SPPL3: variants seen among roughly 807,000 people sequenced by gnomAD.
SPPL3 encodes the protein signal peptide peptidase like 3, also known as signal peptide peptidase-like 3.
SPPL3 carries 5 observed loss-of-function variants against 42.4 expected under a neutral mutation model. The observed-to-expected ratio is 0.12, with a 90% CI of 0.06 to 0.25. The LOEUF (loss-of-function observed/expected upper bound fraction) is 0.25, where lower values mean the gene tolerates loss of function less well. SPPL3 is among the 10% of genes least tolerant of loss of function. SPPL3 has a pLI of 1.00. For missense variants in SPPL3, 235 were observed against 489.0 expected (o/e 0.48, Z 4.90); for synonymous variants, 195 against 181.8 (o/e 1.07, Z -0.58).
chr12:120,904,047 G>A lies in SPPL3; in HGVS notation c.-180C>T. Reference sequence around the variant, plus strand: ...TGGCGGGGAGAGGCCGGGCTCCGAAGCGGCCCCGCTCCCTGGGCCCCGGGG... The same window carrying A: ...TGGCGGGGAGAGGCCGGGCTCCGAAACGGCCCCGCTCCCTGGGCCCCGGGG... On this transcript the variant is annotated 5_prime_UTR_variant, in exon 1 of 11. Transcript: ENST00000353487. The A allele has an allele frequency of 2.7e-6, 1 of 375,136 alleles. No homozygotes were observed. The highest frequency in any genetic ancestry group is 4.5e-6 in the Non-Finnish European group (1 of 221,760). The allele number at this position is 375,136 out of a possible 1,614,324, so 23.2% of individuals were successfully genotyped here. A position where few individuals can be genotyped will look rare whatever the true frequency, so the allele number is the denominator to read the frequency against.
chr12:120,790,620 CT>C (rs1869883380), intron 3 of SPPL3, among the ~76,000 whole-genome samples: 1 of 152,142 alleles, frequency 6.6e-6, no homozygotes, highest in South Asian at 2.1e-4. Flanking sequence ...GTAAAGAAAC[CT>C]TATCTGACCC....
chr12:120,900,592 T>C (rs1338950093), intron 1 of SPPL3, among the ~76,000 whole-genome samples: 1 of 103,722 alleles, frequency 9.6e-6, no homozygotes, highest in Admixed American at 1.1e-4. Flanking sequence ...AGACCCTGTC[T>C]CAAGGAAAAA....
chr12:120,780,758 C>CA (rs1869505007), intron 6 of SPPL3, among the ~76,000 whole-genome samples: 1 of 145,080 alleles, frequency 6.9e-6, no homozygotes, highest in Non-Finnish European at 1.5e-5. Context: ...AAAAACAAAA[C>CA]AAAAATTAGC....
intron 1 of SPPL3, among the ~76,000 whole-genome samples, chr12:120,823,075 A>C (rs1009778595): frequency 1.3e-5 from 2 of 151,948 alleles, no homozygotes; most frequent in African/African-American, 2.4e-5. Flanking sequence ...CTGGGAGTTC[A>C]CAAAGTAGTC....
rs374880871 is a variant in SPPL3 at position 120,769,290 on chromosome 12, G to A, written c.503-231C>T. 113 of 403,072 alleles carry A rather than the reference G, an allele frequency of 2.8e-4. 1 individual carries two copies. The Middle Eastern group carries it at 3.5e-3, about 13-fold the overall frequency. 25.0% of individuals were successfully genotyped at this position (403,072 alleles called of 1,614,324 possible). On this transcript the variant is annotated intron_variant, in intron 6 of 10. Coordinates refer to ENST00000353487, the MANE Select transcript of SPPL3 (RefSeq NM_139015.5). ...TTTCCTCCTCCTAGACATAGTGCTC[G>A]GCTGTTGGAGACCCAGGAAACCAGT...
chr12:120,794,504 T>C (rs1394019003), intron 2 of SPPL3, among the ~76,000 whole-genome samples: 1 of 152,094 alleles, frequency 6.6e-6, no homozygotes, highest in Admixed American at 6.5e-5. Context: ...TTCAAGCAAT[T>C]CTCCTGCCTC....
chr12:120,775,052 A>G (rs11065260), intron 6 of SPPL3, among the ~76,000 whole-genome samples: 5,389 of 152,328 alleles, frequency 0.035, 109 homozygotes, highest in South Asian at 0.067. Flanking sequence ...CGAGGATGAC[A>G]TAACCTGTAA....
intron 1 of SPPL3, among the ~76,000 whole-genome samples, chr12:120,883,044 A>G (rs1873342077): frequency 6.6e-6 from 1 of 151,724 alleles, no homozygotes; most frequent in Admixed American, 6.6e-5. Flanking sequence ...GTGGCTCACA[A>G]CTGTAATCCC....
chr12:120,798,578 TTTAATG>T lies in SPPL3; in HGVS notation c.102-7027_102-7022del, dbSNP rs369277206. ...CCTAAACTCTAGGGTTGGTGATGCA[TTTAATG>T]GGAACGTCTCTGGAGTCAATGGAAC... On this transcript the variant is annotated intron_variant, in intron 2 of 10. Coordinates refer to ENST00000353487, the MANE Select transcript of SPPL3 (RefSeq NM_139015.5). Among the ~76,000 whole-genome samples the T allele has an allele frequency of 2.0e-5, 3 of 152,346 alleles. No individual in the cohort carries two copies. In the East Asian group the frequency reaches 5.8e-4, roughly 29 times the overall value.
At chr12:120,798,611 T>A (rs1448199689) in intron 2 of SPPL3, among the ~76,000 whole-genome samples, 1 of 152,232 alleles carries the variant, frequency 6.6e-6, no homozygotes, top group East Asian at 1.9e-4. Flanking sequence ...CAATGGAACA[T>A]GAAGACTGCT....
chr12:120,889,888 G>C (rs1873578124), intron 1 of SPPL3, among the ~76,000 whole-genome samples: 1 of 152,112 alleles, frequency 6.6e-6, no homozygotes, highest in African/African-American at 2.4e-5. Flanking sequence ...TGTCCCTTTA[G>C]GCTCTTAACT....
intron 1 of SPPL3, among the ~76,000 whole-genome samples, chr12:120,814,232 A>C (rs1870789761): frequency 6.6e-6 from 1 of 152,194 alleles, no homozygotes; most frequent in Admixed American, 6.5e-5. Flanking sequence ...TGAATACAAG[A>C]ATATATGTTT....
intron 6 of SPPL3, among the ~76,000 whole-genome samples, chr12:120,774,838 C>T (rs950911825): frequency 2.0e-5 from 3 of 152,196 alleles, no homozygotes; most frequent in Non-Finnish European, 2.9e-5. Context: ...TCCTGAGACT[C>T]TCTCTTATAG....
At chr12:120,794,256 CCTTTTA>C (rs1366275248) in intron 2 of SPPL3, among the ~76,000 whole-genome samples, 6 of 146,634 alleles carry the variant, frequency 4.1e-5, no homozygotes, top group African/African-American at 1.6e-4. Flanking sequence ...CTTTTCCTAA[CCTTTTA>C]CTTTTAACTA....
chr12:120,833,146 GAAGAATAAGTAGGATCTGA>G (rs1871484747), intron 1 of SPPL3, among the ~76,000 whole-genome samples: 1 of 152,164 alleles, frequency 6.6e-6, no homozygotes, highest in Non-Finnish European at 1.5e-5. Flanking sequence ...AATTATTCTT[GAAGAATAAGTAGGATCTGA>G]AAATGTGAGA....
At chr12:120,845,719 G>A (rs535182503) in intron 1 of SPPL3, 10 of 236,988 alleles carry the variant, frequency 4.2e-5, no homozygotes, top group Admixed American at 3.1e-4. Context: ...CTCCGAGCCA[G>A]GTACTGTTTT....
chr12:120,847,697 C>T (rs560152826), intron 1 of SPPL3, among the ~76,000 whole-genome samples: 2 of 152,140 alleles, frequency 1.3e-5, no homozygotes, highest in South Asian at 4.2e-4. Flanking sequence ...TCCGAAAGTG[C>T]TAGGATTACA....
chr12:120,808,906 C>G lies in SPPL3; in HGVS notation c.101+1903G>C, dbSNP rs113737592. 8.5e-5 allele frequency among the ~76,000 whole-genome samples: 13 copies of G among 152,148 alleles called. 1 individual carries two copies. The highest frequency in any genetic ancestry group is 2.9e-4 in the African/African-American group (12 of 41,492). ...CTTTGAAATATTAATGCATTATATA[C>G]TCAAAGGGAAAAAAATAAAATACTT... On this transcript the variant is annotated intron_variant, in intron 2 of 10. Coordinates refer to ENST00000353487, the MANE Select transcript of SPPL3 (RefSeq NM_139015.5).
intron 1 of SPPL3, chr12:120,901,792 A>C: frequency 1.6e-6 from 1 of 638,570 alleles, no homozygotes; most frequent in Non-Finnish European, 1.9e-6. Context: ...AGTAGAATAA[A>C]TTTGTAAATT....
Sources: allele counts gnomAD v4.1 joint callset (sites outside exome capture counted in the v4.1 genomes callset), GRCh38; gene constraint gnomAD v4.1.1; transcripts MANE v1.5; gene names NCBI Gene and HGNC (gene_info 2026-07-23, HGNC 2026-07-21).